NUP98: variants seen among roughly 807,000 people sequenced by gnomAD.
NUP98 encodes the protein nucleoporin 98 and 96 precursor, also known as nuclear pore complex protein Nup98-Nup96.
Under a neutral mutation model 191.9 loss-of-function variants are expected in NUP98, and 26 were observed. The ratio of observed to expected loss-of-function variants is 0.14; its 90% CI spans 0.10 to 0.19. The LOEUF (loss-of-function observed/expected upper bound fraction) is 0.19, where lower values mean the gene tolerates loss of function less well. NUP98 is among the 10% of genes least tolerant of loss of function. The probability of loss-of-function intolerance (pLI) is 1.00; values close to 1 mark genes in which losing one functional copy is unlikely to be tolerated. For synonymous variants in NUP98, 808 were observed against 778.4 expected, an observed-to-expected ratio of 1.04 and a Z score of -0.63; for missense variants, 1,941 against 2,178.8, an observed-to-expected ratio of 0.89 and a Z score of 2.17.
chr11:3,791,042 C>G (rs550599659), intron 1 of NUP98, among the ~76,000 whole-genome samples: 1 of 151,914 alleles, frequency 6.6e-6, no homozygotes, highest in South Asian at 2.1e-4. Flanking sequence ...ATTACAGGCG[C>G]CCGCCACCAC....
At chr11:3,727,074 C>A (rs1480140557) in intron 14 of NUP98, among the ~76,000 whole-genome samples, 2 of 152,026 alleles carry the variant, frequency 1.3e-5, no homozygotes, top group Non-Finnish European at 2.9e-5. Flanking sequence ...GAAATTATTA[C>A]CTTATACAAA....
chr11:3,734,353 C>T (rs2079966583), intron 13 of NUP98, among the ~76,000 whole-genome samples: 1 of 152,104 alleles, frequency 6.6e-6, no homozygotes, highest in Non-Finnish European at 1.5e-5. Context: ...CTTAAAACAA[C>T]AAAACAAAAC....
rs35614116 is a variant in NUP98 at position 3,777,620 on chromosome 11, CAAAAAAAAA to C, written c.355+1244_355+1252del. Among the ~76,000 whole-genome samples, 6 of 59,472 alleles carry C rather than the reference CAAAAAAAAA, an allele frequency of 1.0e-4. 1 individual carries two copies. Among genetic ancestry groups the C allele is most frequent in the South Asian group, 1.3e-3 (2 of 1,568 alleles). The allele number at this position is 59,472 out of a possible 152,430, so 39.0% of individuals were successfully genotyped here. A position where few individuals can be genotyped will look rare whatever the true frequency, so the allele number is the denominator to read the frequency against. ...CGGGTAACAGATCAAGACTCCGTCT[CAAAAAAAAA>C]AAAAAAAAAAAAGAAGTTATACATA... is the stretch of plus-strand genomic sequence containing the variant. On this transcript the variant is annotated intron_variant, in intron 4 of 32. Transcript: ENST00000324932.
intron 25 of NUP98, among the ~76,000 whole-genome samples, chr11:3,698,589 T>G (rs2134092901): frequency 6.6e-6 from 1 of 151,824 alleles, no homozygotes; most frequent in Middle Eastern, 3.4e-3. Context: ...TAGCCAGGTG[T>G]GGTAGCAGGC....
intron 9 of NUP98, 51 bp from the exon 10 acceptor site, chr11:3,760,677 C>A: frequency 6.7e-7 from 1 of 1,499,164 alleles, no homozygotes; most frequent in Non-Finnish European, 9.2e-7. Flanking sequence ...AGACACACAC[C>A]AAACTAAATA....
intron 23 of NUP98, among the ~76,000 whole-genome samples, chr11:3,701,427 A>G (rs765857961): frequency 7.9e-5 from 12 of 151,778 alleles, no homozygotes; most frequent in Non-Finnish European, 1.6e-4. Context: ...ACCCTGGGCT[A>G]ATTTTTGTAA....
intron 11 of NUP98, among the ~76,000 whole-genome samples, chr11:3,751,266 G>A (rs983456121): frequency 1.3e-5 from 2 of 152,172 alleles, no homozygotes; most frequent in African/African-American, 4.8e-5. Flanking sequence ...GCTGAGGCAG[G>A]AGAATAGCTT....
chr11:3,692,830 C>A (rs970802048), intron 27 of NUP98, among the ~76,000 whole-genome samples: 1 of 152,120 alleles, frequency 6.6e-6, no homozygotes, highest in Non-Finnish European at 1.5e-5. Flanking sequence ...AAAATATGAA[C>A]AGTAAGATAA....
intron 1 of NUP98, among the ~76,000 whole-genome samples, chr11:3,795,117 C>T (rs759649249): frequency 8.5e-5 from 13 of 152,094 alleles, no homozygotes; most frequent in Non-Finnish European, 1.8e-4. Flanking sequence ...ATTCTACTTG[C>T]TCTTAGTTAT....
At chr11:3,774,336 C>T (rs1564913739) in intron 5 of NUP98, among the ~76,000 whole-genome samples, 1 of 152,008 alleles carries the variant, frequency 6.6e-6, no homozygotes, top group Non-Finnish European at 1.5e-5. Flanking sequence ...CGCTTGAATC[C>T]GAGAAGCGGA....
At chr11:3,753,854 G>A (rs748384651) in intron 10 of NUP98, among the ~76,000 whole-genome samples, 7 of 142,228 alleles carry the variant, frequency 4.9e-5, no homozygotes, top group South Asian at 2.3e-4. Context: ...TGGGAAAATC[G>A]TTTCAACCCA....
At chr11:3,733,157 G>C (rs2079909022) in intron 13 of NUP98, among the ~76,000 whole-genome samples, 1 of 152,118 alleles carries the variant, frequency 6.6e-6, no homozygotes, top group Non-Finnish European at 1.5e-5. Flanking sequence ...TGAAAACTTT[G>C]ATGACTTCAA....
At chr11:3,790,644 C>T (rs74052816) in intron 1 of NUP98, among the ~76,000 whole-genome samples, 3,840 of 152,254 alleles carry the variant, frequency 0.025, 179 homozygotes, top group African/African-American at 0.088. Flanking sequence ...TGAACTAACA[C>T]TCACTGAATT....
At chr11:3,730,722 AGCT>A (rs1205899352) in intron 14 of NUP98, among the ~76,000 whole-genome samples, 11 of 152,050 alleles carry the variant, frequency 7.2e-5, no homozygotes, top group African/African-American at 2.4e-5. Flanking sequence ...GTATCACTTG[AGCT>A]GCGGAGGTTG....
At chr11:3,712,449 G>A (rs1450743667) in intron 20 of NUP98, 115 bp downstream of exon 20, 1 of 1,519,930 alleles carries the variant, frequency 6.6e-7, no homozygotes. Context: ...GATTGCCAAT[G>A]TTTGTACTCT....
rs1467912879 is a variant in NUP98, at chr11:3,779,038, C to G, written c.190G>C (p.Gly64Arg). 1 of 1,614,160 alleles carries G rather than the reference C, an allele frequency of 6.2e-7. No homozygotes were observed. The change falls in exon 4 of 33, where the codon GGA becomes CGA. Residue 64 changes from glycine (G) to arginine (R), a missense_variant. Gly to Arg is a moderately radical substitution (Grantham distance 125). Around this residue, in one of 6 missense-constraint regions of NUP98, gnomAD observed 154 missense variants for 182.9 expected, o/e 0.84. Transcript: ENST00000324932. ...NSQTKPGGLF[G>R]TSSFSQPATS... The stretch of plus-strand genomic sequence containing the variant: ...GCTGGCTGGCTAAATGAACTGGTTC[C>G]AAACAATCCTCCTGAGGAGATGGAG...
chr11:3,748,302 A>G (rs1045605435), intron 11 of NUP98, among the ~76,000 whole-genome samples: 1 of 152,222 alleles, frequency 6.6e-6, no homozygotes, highest in African/African-American at 2.4e-5. Flanking sequence ...GCAGTGGCTC[A>G]TGCCTGTAAT....
At position 3,790,071 on chromosome 11, in the gene NUP98, C is replaced by T. The variant is rs148141101; in HGVS notation, c.-29+7329G>A. On this transcript the variant is annotated intron_variant, in intron 1 of 32. Coordinates refer to ENST00000324932, the MANE Select transcript of NUP98 (RefSeq NM_016320.5). ...GTGCTAGCATTACAGGCGTGAGCCA[C>T]GGCACACAGCCCCATTTACCTATCA... 3.5e-4 allele frequency among the ~76,000 whole-genome samples: 53 copies of T among 152,308 alleles called. No individual in the cohort carries two copies. In the East Asian group the frequency reaches 9.3e-3, roughly 27 times the overall value.
intron 17 of NUP98, 79 bp from the exon 18 acceptor site, chr11:3,719,629 A>G (rs1255963716): frequency 2.8e-6 from 3 of 1,059,156 alleles, no homozygotes; most frequent in Non-Finnish European, 3.9e-6. Context: ...TGATTAAACA[A>G]TCACAAGGAG....
Sources: gnomAD v4.1 joint callset for allele counts (sites outside exome capture counted in the v4.1 genomes callset) on GRCh38, gnomAD v4.1.1 for gene constraint, gnomAD v4.1.1 regional missense constraint, MANE v1.5 for transcripts, NCBI Gene and HGNC (gene_info 2026-07-23, HGNC 2026-07-21) for gene names.